LRRC38: variants seen among roughly 807,000 people sequenced by gnomAD.
LRRC38 encodes the protein leucine rich repeat containing 38.
A neutral mutation model predicts 16.4 loss-of-function variants in LRRC38; 5 were observed. That is an observed-to-expected ratio of 0.31 (90% CI 0.16 to 0.64). The LOEUF is 0.64. LRRC38 is among the 30% of genes least tolerant of loss of function. The pLI, the probability that LRRC38 is intolerant of heterozygous loss-of-function variation, is 0.80. For synonymous variants in LRRC38, 191 were observed against 190.2 expected (o/e 1.00, Z -0.04); for missense variants, 341 against 401.8 (o/e 0.85, Z 1.29).
At chr1:13,491,833 G>A (rs1317399279) in intron 1 of LRRC38, among the ~76,000 whole-genome samples, 1 of 151,972 alleles carries the variant, frequency 6.6e-6, no homozygotes, top group South Asian at 2.1e-4. Flanking sequence ...GTGCCACCAC[G>A]CCCAGCTAAT....
chr1:13,508,824 T>A (rs568607053), intron 1 of LRRC38, among the ~76,000 whole-genome samples: 22 of 152,176 alleles, frequency 1.4e-4, no homozygotes, highest in Non-Finnish European at 3.1e-4. Flanking sequence ...TAACAAGAAC[T>A]CCTCATTCCT....
intron 1 of LRRC38, among the ~76,000 whole-genome samples, chr1:13,505,547 C>A (rs897970597): frequency 4.6e-5 from 7 of 152,194 alleles, no homozygotes; most frequent in Non-Finnish European, 1.0e-4. Flanking sequence ...CTCACTGAGA[C>A]CCTCCTAGTC....
chr1:13,493,468 G>C (rs1360188077), intron 1 of LRRC38, among the ~76,000 whole-genome samples: 2 of 152,180 alleles, frequency 1.3e-5, no homozygotes, highest in African/African-American at 4.8e-5. Flanking sequence ...GATCCAGGCC[G>C]ACCCCCTAAA....
chr1:13,494,965 G>T (rs1172052323), intron 1 of LRRC38, among the ~76,000 whole-genome samples: 2 of 152,194 alleles, frequency 1.3e-5, no homozygotes, highest in African/African-American at 4.8e-5. Flanking sequence ...AACATGTTCA[G>T]GTCACCTTTG....
At chr1:13,489,821 G>A (rs1318233878) in intron 1 of LRRC38, among the ~76,000 whole-genome samples, 8 of 152,032 alleles carry the variant, frequency 5.3e-5, no homozygotes, top group Admixed American at 2.6e-4. Flanking sequence ...CTCCCGTCTC[G>A]TCTCCACCGC....
Position 13,512,992 on chromosome 1 carries a change from A to G in LRRC38, c.602T>C (p.Ile201Thr). The change falls in exon 1 of 2, where the codon ATC becomes ACC. Residue 201 changes from isoleucine to threonine, a missense_variant. Coordinates refer to ENST00000376085, the MANE Select transcript of LRRC38 (RefSeq NM_001010847.2). ...DCDFAHLFSW[I>T]QENASKLPKG... The stretch of plus-strand genomic sequence containing the variant: ...GGGCAGTTTGGATGCGTTCTCCTGG[A>G]TCCAGGAGAAGAGGTGGGCGAAGTC... 7.7e-7 allele frequency: 1 copy of G among 1,296,042 alleles called. No homozygotes were observed. The highest frequency in any genetic ancestry group is 1.0e-6 in the Non-Finnish European group (1 of 990,266). The allele number at this position is 1,296,042 out of a possible 1,614,324, so 80.3% of individuals were successfully genotyped here.
intron 1 of LRRC38, among the ~76,000 whole-genome samples, chr1:13,508,421 A>G (rs1358600698): frequency 1.3e-5 from 2 of 152,206 alleles, no homozygotes; most frequent in Non-Finnish European, 2.9e-5. Context: ...AATCAATAAA[A>G]TGACCTATTC....
chr1:13,475,256 A>G lies in LRRC38; in HGVS notation c.*590T>C, dbSNP rs955448560. 6.5e-6 allele frequency: 1 copy of G among 153,310 alleles called. No homozygotes were observed. Among genetic ancestry groups the G allele is most frequent in the African/African-American group, 2.4e-5 (1 of 41,456 alleles). The allele number at this position is 153,310 out of a possible 1,614,324, so 9.5% of individuals were successfully genotyped here. On this transcript the variant is annotated 3_prime_UTR_variant, in exon 2 of 2. Transcript: ENST00000376085. This position sits in a 1 kb window ranked among gnomAD's most constrained non-coding sequence, Gnocchi z 4.3. Reference sequence around the variant, plus strand: ...TCCAAATACCATCACATTGGGGATTAGGTTTCAACATATAAAATCTGGGGG... The same window carrying G: ...TCCAAATACCATCACATTGGGGATTGGGTTTCAACATATAAAATCTGGGGG...
intron 1 of LRRC38, among the ~76,000 whole-genome samples, chr1:13,504,942 A>G (rs1385468307): frequency 6.6e-6 from 1 of 152,138 alleles, no homozygotes; most frequent in East Asian, 1.9e-4. Context: ...GAGCGAGGAA[A>G]AGGGGTGCTG....
intron 1 of LRRC38, among the ~76,000 whole-genome samples, chr1:13,483,788 G>C (rs949912141): frequency 6.6e-6 from 1 of 152,116 alleles, no homozygotes; most frequent in African/African-American, 2.4e-5. Context: ...ACCTGGCCAC[G>C]TACGTGCTCG....
chr1:13,509,329 C>T (rs938257746), intron 1 of LRRC38, among the ~76,000 whole-genome samples: 15 of 152,156 alleles, frequency 9.9e-5, no homozygotes, highest in Non-Finnish European at 1.8e-4. Context: ...AGCCTCCCAC[C>T]TTGACAGCTG....
rs538416423 is a variant in LRRC38, at chr1:13,504,646, C to T, written c.631+8317G>A. Reference sequence around the variant, plus strand: ...GCTGAGACATGAGAATAGCTTGAACCCGAGAGGCAGAGGTTACAGTGAGCC... The same window carrying T: ...GCTGAGACATGAGAATAGCTTGAACTCGAGAGGCAGAGGTTACAGTGAGCC... On this transcript the variant is annotated intron_variant, in intron 1 of 1. Transcript: ENST00000376085. 2.1e-3 allele frequency among the ~76,000 whole-genome samples: 319 copies of T among 149,978 alleles called. 1 individual carries two copies. Among genetic ancestry groups the T allele is most frequent in the Middle Eastern group, 0.01 (3 of 294 alleles).
At chr1:13,501,608 G>T (rs12739544) in intron 1 of LRRC38, among the ~76,000 whole-genome samples, 9 of 112,708 alleles carry the variant, frequency 8.0e-5, no homozygotes, top group Admixed American at 2.6e-4. Context: ...TTGTTTGTTT[G>T]TTTGAGATAG....
intron 1 of LRRC38, 101 bp downstream of exon 1, chr1:13,512,862 T>C (rs1639289074): frequency 1.5e-6 from 2 of 1,298,292 alleles, no homozygotes; most frequent in East Asian, 2.5e-5. Flanking sequence ...AAGCCTCCTC[T>C]TCCAAACTCA....
chr1:13,501,707 C>T (rs2100516282), intron 1 of LRRC38, among the ~76,000 whole-genome samples: 1 of 149,842 alleles, frequency 6.7e-6, no homozygotes, highest in East Asian at 1.9e-4. Context: ...AATTCTCCTG[C>T]CTCAGCCTCC....
At chr1:13,499,048 A>G (rs1431248168) in intron 1 of LRRC38, among the ~76,000 whole-genome samples, 1 of 152,138 alleles carries the variant, frequency 6.6e-6, no homozygotes, top group African/African-American at 2.4e-5. Context: ...TAAGGACACC[A>G]GTCATACTGA....
intron 1 of LRRC38, among the ~76,000 whole-genome samples, chr1:13,476,389 C>T (rs186719030): frequency 1.1e-3 from 160 of 152,158 alleles, no homozygotes; most frequent in African/African-American, 3.5e-3. Context: ...GGCAACATGG[C>T]GTGATCTCGG....
intron 1 of LRRC38, among the ~76,000 whole-genome samples, chr1:13,504,232 G>T (rs1430966159): frequency 7.6e-6 from 1 of 131,614 alleles, no homozygotes; most frequent in African/African-American, 3.2e-5. Context: ...ACCTACATTT[G>T]ACCGGGGACA....
chr1:13,484,123 C>A (rs1638903163), intron 1 of LRRC38, among the ~76,000 whole-genome samples: 1 of 152,168 alleles, frequency 6.6e-6, no homozygotes. Flanking sequence ...GCCTTGCTTG[C>A]CGTTCCTCAA....
Sources: gnomAD v4.1 joint callset for allele counts (sites outside exome capture counted in the v4.1 genomes callset) on GRCh38, gnomAD v4.1.1 for gene constraint, Gnocchi (gnomAD v3.1) non-coding constraint, MANE v1.5 for transcripts, NCBI Gene and HGNC (gene_info 2026-07-23, HGNC 2026-07-21) for gene names.